Variants in VPS13B observed in about 807,000 individuals in gnomAD.
The protein encoded by VPS13B is intermembrane lipid transfer protein VPS13B.
VPS13B carries 285 observed loss-of-function variants against 426.4 expected under a neutral mutation model. That is an observed-to-expected ratio of 0.67 (90% confidence interval 0.61 to 0.74). VPS13B has a LOEUF of 0.74. Among genes scored for constraint, VPS13B ranks in the 30% least tolerant of loss-of-function variants. The pLI, the probability that VPS13B is intolerant of heterozygous loss-of-function variation, is 0.00. For missense variants in VPS13B, 4,537 were observed against 4,782.6 expected (o/e 0.95, Z 1.51); for synonymous variants, 1,676 against 1,676.4 (o/e 1.00, Z 0.01).
At chr8:99,192,009 A>G (rs1337915121) in intron 16 of VPS13B, among the ~76,000 whole-genome samples, 2 of 152,178 alleles carry the variant, frequency 1.3e-5, no homozygotes, top group Non-Finnish European at 2.9e-5. Context: ...AGCAGGTTAC[A>G]TACAGTATAC....
At chr8:99,379,029 C>T (rs1254811263) in intron 19 of VPS13B, among the ~76,000 whole-genome samples, 3 of 152,210 alleles carry the variant, frequency 2.0e-5, no homozygotes, top group Non-Finnish European at 4.4e-5. Context: ...GCATTACCAC[C>T]TGAGCTCTGC....
intron 12 of VPS13B, among the ~76,000 whole-genome samples, chr8:99,138,474 A>G (rs775744778): frequency 3.7e-4 from 56 of 152,308 alleles, no homozygotes; most frequent in Middle Eastern, 3.4e-3. Flanking sequence ...TTGTAGTCCT[A>G]TAGTTTCTAC....
At chr8:99,229,961 A>G (rs1461430722) in intron 17 of VPS13B, among the ~76,000 whole-genome samples, 1 of 152,222 alleles carries the variant, frequency 6.6e-6, no homozygotes, top group Non-Finnish European at 1.5e-5. Context: ...CAATGTTGTC[A>G]CTTGGATAAT....
chr8:99,859,738 T>A (rs1376640261), intron 57 of VPS13B, among the ~76,000 whole-genome samples: 1 of 152,214 alleles, frequency 6.6e-6, no homozygotes, highest in African/African-American at 2.4e-5. Flanking sequence ...AAACAAGGAT[T>A]GGCTCAAATG....
At chr8:99,166,323 T>C (rs542485215) in intron 15 of VPS13B, among the ~76,000 whole-genome samples, 5 of 152,282 alleles carry the variant, frequency 3.3e-5, no homozygotes, top group Non-Finnish European at 5.9e-5. Context: ...ATGGAACTCT[T>C]TTTGGAGGGA....
intron 43 of VPS13B, 37 bp from the exon 44 acceptor site, chr8:99,809,338 C>T (rs368849394): frequency 3.4e-4 from 549 of 1,613,342 alleles, no homozygotes; most frequent in Non-Finnish European, 4.3e-4. Context: ...TTTGTTGGCA[C>T]GTTTGGCATT....
At chr8:99,101,843 TCC>T (rs1442678983) in intron 4 of VPS13B, among the ~76,000 whole-genome samples, 3 of 152,226 alleles carry the variant, frequency 2.0e-5, no homozygotes, top group African/African-American at 7.2e-5. Flanking sequence ...TTATGTTTTG[TCC>T]AGTAAAATTC....
chr8:99,173,302 C>T (rs936594315), intron 16 of VPS13B, among the ~76,000 whole-genome samples: 2 of 152,160 alleles, frequency 1.3e-5, no homozygotes, highest in Middle Eastern at 3.4e-3. Flanking sequence ...ATCCTTTTGC[C>T]TCCCTGGAAG....
chr8:99,689,742 T>C (rs1167622462), intron 35 of VPS13B, among the ~76,000 whole-genome samples: 1 of 152,196 alleles, frequency 6.6e-6, no homozygotes, highest in Non-Finnish European at 1.5e-5. Context: ...GCCTGAGATA[T>C]GAGGGTAGCA....
intron 19 of VPS13B, among the ~76,000 whole-genome samples, chr8:99,307,044 C>T (rs1472833571): frequency 3.9e-5 from 6 of 151,974 alleles, no homozygotes; most frequent in South Asian, 2.1e-4. Context: ...AGTACACACA[C>T]GGATTTTTCA....
At chr8:99,827,943 CTGTT>C (rs1212250975) in intron 51 of VPS13B, among the ~76,000 whole-genome samples, 3 of 152,052 alleles carry the variant, frequency 2.0e-5, no homozygotes, top group East Asian at 3.9e-4. Flanking sequence ...GTCTGAGAGA[CTGTT>C]TGTTATGATT....
intron 19 of VPS13B, among the ~76,000 whole-genome samples, chr8:99,351,468 ATG>A (rs1364483582): frequency 7.1e-6 from 1 of 141,556 alleles, no homozygotes; most frequent in Non-Finnish European, 1.5e-5. Flanking sequence ...GTGTGTATGT[ATG>A]TGTGTGTGTT....
At chr8:99,248,386 T>C (rs551797154) in intron 17 of VPS13B, among the ~76,000 whole-genome samples, 1 of 152,334 alleles carries the variant, frequency 6.6e-6, no homozygotes, top group South Asian at 2.1e-4. Context: ...TTTGAAGGAC[T>C]TTCTAAATAC....
At chr8:99,338,507 G>C (rs944492001) in intron 19 of VPS13B, among the ~76,000 whole-genome samples, 1 of 152,004 alleles carries the variant, frequency 6.6e-6, no homozygotes, top group Non-Finnish European at 1.5e-5. Context: ...GAGAAAATAA[G>C]ATGTGACTTC....
At chr8:99,621,061 A>G (rs1828329837) in intron 33 of VPS13B, among the ~76,000 whole-genome samples, 1 of 151,804 alleles carries the variant, frequency 6.6e-6, no homozygotes, top group South Asian at 2.1e-4. Context: ...GAGGATCTTC[A>G]TAAATCTTGC....
intron 19 of VPS13B, among the ~76,000 whole-genome samples, chr8:99,374,975 G>A (rs1015058568): frequency 3.9e-5 from 6 of 152,124 alleles, no homozygotes; most frequent in South Asian, 4.1e-4. Context: ...TTTAGAGTAC[G>A]CATGAGATTT....
intron 43 of VPS13B, among the ~76,000 whole-genome samples, chr8:99,803,214 C>G (rs2130767395): frequency 6.6e-6 from 1 of 152,198 alleles, no homozygotes; most frequent in African/African-American, 2.4e-5. Context: ...ACCTTTCAGC[C>G]ACAATTTTTA....
intron 30 of VPS13B, among the ~76,000 whole-genome samples, chr8:99,544,438 A>G (rs924958717): frequency 5.3e-5 from 8 of 152,272 alleles, no homozygotes; most frequent in East Asian, 1.9e-4. Flanking sequence ...CAATGTGCAC[A>G]TGTACCCTAA....
chr8:99,764,409 CTTTTTTTTTTTT>C (rs1009917177), intron 39 of VPS13B, among the ~76,000 whole-genome samples: 1 of 111,684 alleles, frequency 9.0e-6, no homozygotes. Flanking sequence ...GAGAGAGATT[CTTTTTTTTTTTT>C]TTTTTTTTTT....
Sources: gnomAD v4.1 joint callset for allele counts (sites outside exome capture counted in the v4.1 genomes callset) on GRCh38, gnomAD v4.1.1 for gene constraint, MANE v1.5 for transcripts, NCBI Gene and HGNC (gene_info 2026-07-23, HGNC 2026-07-21) for gene names.